KRT32: variants seen among roughly 807,000 people sequenced by gnomAD.
KRT32 encodes the protein keratin, type I cuticular Ha2.
KRT32 carries 44 observed loss-of-function variants against 41.8 expected under a neutral mutation model. The ratio of observed to expected loss-of-function variants is 1.05; its 90% CI spans 0.83 to 1.35. The LOEUF is 1.35. Among genes scored for constraint, KRT32 ranks in the 40% most tolerant of loss-of-function variants. The pLI, the probability that KRT32 is intolerant of heterozygous loss-of-function variation, is 0.00. For synonymous variants in KRT32, 238 were observed against 242.5 expected, an observed-to-expected ratio of 0.98 and a Z score of 0.17; for missense variants, 576 against 584.6, an observed-to-expected ratio of 0.99 and a Z score of 0.15.
intron 6 of KRT32, among the ~76,000 whole-genome samples, chr17:41,460,861 GTAAAA>G (rs1016305818): frequency 3.3e-5 from 5 of 152,232 alleles, no homozygotes; most frequent in African/African-American, 1.2e-4. Flanking sequence ...AGAAGTTAAA[GTAAAA>G]TAAAATAAAA....
rs2019080266 is a variant in KRT32 at position 41,467,222 on chromosome 17, A to T, written c.104T>A (p.Leu35Gln). ...CSSGVNCRPELCLGYVCQPMA... is the reference protein window; with the variant it reads ...CSSGVNCRPEQCLGYVCQPMA... ...GGGCTGGCAGACATAGCCCAGGCAC[A>T]GCTCAGGCCGGCAGTTCACGCCGCT... Residue 35 changes from leucine to glutamine, a missense_variant, in exon 1 of 7, where the codon CTG (leucine) becomes CAG (glutamine). By Grantham distance (113) the Leu-to-Gln change is moderately radical (BLOSUM62 -2). Coordinates refer to ENST00000225899, the MANE Select transcript of KRT32 (RefSeq NM_002278.3). 2.5e-6 allele frequency: 4 copies of T among 1,613,738 alleles called. No individual in the cohort carries two copies. The African/African-American group carries it at 5.3e-5, about 22-fold the overall frequency.
intron 5 of KRT32, among the ~76,000 whole-genome samples, chr17:41,463,783 A>G (rs2019033406): frequency 6.6e-6 from 1 of 152,150 alleles, no homozygotes; most frequent in Non-Finnish European, 1.5e-5. Flanking sequence ...GAACCTGGGC[A>G]TCAGGATGGG....
At chr17:41,461,479 T>A (rs2019001357) in intron 6 of KRT32, among the ~76,000 whole-genome samples, 1 of 152,240 alleles carries the variant, frequency 6.6e-6, no homozygotes, top group Non-Finnish European at 1.5e-5. Context: ...CAACCTGAAA[T>A]GTGTTCCATT....
At chr17:41,463,619 C>A (rs183861071) in intron 5 of KRT32, among the ~76,000 whole-genome samples, 1 of 152,014 alleles carries the variant, frequency 6.6e-6, no homozygotes, top group Non-Finnish European at 1.5e-5. Context: ...GCAGGAAAAT[C>A]ACTTGAACCC....
chr17:41,462,707 A>T, intron 6 of KRT32, 123 bp downstream of exon 6: 2 of 1,071,614 alleles, frequency 1.9e-6, no homozygotes, highest in Non-Finnish European at 2.7e-6. Context: ...CCAGCTTCTT[A>T]ATGGCTCCAT....
At chr17:41,464,480 T>C in intron 3 of KRT32, 37 bp from the exon 4 acceptor site, 1 of 1,514,658 alleles carries the variant, frequency 6.6e-7, no homozygotes, top group South Asian at 1.3e-5. Flanking sequence ...AATGTGACAA[T>C]GATAGGATCC....
chr17:41,467,249 G>A lies in KRT32; in HGVS notation c.77C>T (p.Ser26Phe), dbSNP rs1231598018. The A allele has an allele frequency of 8.7e-6, 14 of 1,613,676 alleles. No homozygotes were observed. The highest frequency in any genetic ancestry group is 1.3e-5 in the African/African-American group (1 of 74,950). The change falls in exon 1 of 7, where the codon TCC becomes TTC. Residue 26 changes from serine to phenylalanine, a missense_variant. By Grantham distance (155) the Ser-to-Phe change is radical. Coordinates refer to ENST00000225899, the MANE Select transcript of KRT32 (RefSeq NM_002278.3). ...KSCPRPASVC[S>F]SGVNCRPELC... is the part of the protein sequence containing the mutation. The stretch of plus-strand genomic sequence containing the variant: ...CTCAGGCCGGCAGTTCACGCCGCTG[G>A]AACAGACCGAGGCAGGCCGGGGGCA...
chr17:41,461,895 C>T (rs1307558651), intron 6 of KRT32, among the ~76,000 whole-genome samples: 1 of 152,362 alleles, frequency 6.6e-6, no homozygotes, highest in Admixed American at 6.5e-5. Flanking sequence ...GCCACCAAGT[C>T]CTGCTGATTC....
At chr17:41,464,225 G>A in intron 4 of KRT32, 22 bp from the exon 5 acceptor site, 2 of 1,593,582 alleles carry the variant, frequency 1.3e-6, no homozygotes, top group Non-Finnish European at 8.6e-7. Context: ...GGAAGGAGAA[G>A]GCTAGAGTCC....
rs143533795 is a variant in KRT32, at chr17:41,463,486, C to A, written c.997-436G>T. ...CTGGGAGGCCAAGGCAGGTGGATCA[C>A]CTGAGGTCAGGAGTTCGAGACCAGC... On this transcript the variant is annotated intron_variant, in intron 5 of 6. Transcript: ENST00000225899. 2.9e-3 allele frequency among the ~76,000 whole-genome samples: 444 copies of A among 152,330 alleles called. 2 individuals are homozygous for A. Among genetic ancestry groups the A allele is most frequent in the African/African-American group, 0.01 (424 of 41,578 alleles).
intron 1 of KRT32, among the ~76,000 whole-genome samples, 167 bp downstream of exon 1, chr17:41,466,691 C>T (rs1305571518): frequency 6.6e-6 from 1 of 152,228 alleles, no homozygotes; most frequent in East Asian, 1.9e-4. Context: ...CAGATCTCTC[C>T]ACATGAAAGC....
chr17:41,460,098 C>G lies in KRT32; in HGVS notation c.*12G>C. 6.3e-7 allele frequency: 1 copy of G among 1,593,884 alleles called. No homozygotes were observed. Among genetic ancestry groups the G allele is most frequent in the Non-Finnish European group, 8.5e-7 (1 of 1,170,218 alleles). ...CCCCAGGCCCTCCAGGATCCACTGG[C>G]ACAAAGGGACTTCAGTAGCGGCCCT... On this transcript the variant is annotated 3_prime_UTR_variant, in exon 7 of 7. Coordinates refer to ENST00000225899, the MANE Select transcript of KRT32 (RefSeq NM_002278.3).
chr17:41,465,833 C>A lies in KRT32; in HGVS notation c.648G>T (p.Leu216=). ...CCTTCAGGGACTCAACCTGGGCCTC[C>A]AGGTCAGCCTTGCACAGAGTGAGAT... The part of the protein sequence containing the change: ...LDDLTLCKAD[L]EAQVESLKEE... Residue 216 remains leucine (L), a synonymous_variant, in exon 3 of 7, where the codon CTG becomes CTT. Transcript: ENST00000225899. 1 of 1,613,838 alleles carries A rather than the reference C, an allele frequency of 6.2e-7. No individual in the cohort carries two copies. Among genetic ancestry groups the A allele is most frequent in the Non-Finnish European group, 8.5e-7 (1 of 1,179,832 alleles).
intron 5 of KRT32, among the ~76,000 whole-genome samples, chr17:41,463,344 G>A (rs1346369798): frequency 5.9e-5 from 9 of 152,282 alleles, no homozygotes; most frequent in African/African-American, 1.4e-4. Flanking sequence ...CCTCCCTGCC[G>A]GCATCATTTA....
chr17:41,463,394 A>T (rs2019027737), intron 5 of KRT32, among the ~76,000 whole-genome samples: 1 of 152,208 alleles, frequency 6.6e-6, no homozygotes, highest in Admixed American at 6.5e-5. Flanking sequence ...TTAGCGCCAC[A>T]TGGGAGCCCT....
In KRT32 at chr17:41,460,165, C is replaced by A. The variant is rs1453430914; in HGVS notation, c.1292G>T (p.Cys431Phe). ...VPSPCVPRTV[C>F]VPRTVGMPCS... The stretch of plus-strand genomic sequence containing the variant: ...AGGCATGCCAACAGTGCGTGGCACA[C>A]AGACGGTGCGGGGCACGCATGGGGA... The change falls in exon 7 of 7, where the codon TGT becomes TTT. Residue 431 changes from cysteine to phenylalanine, a missense_variant. Cys to Phe is a radical substitution (Grantham distance 205). Transcript: ENST00000225899. 3 of 1,613,570 alleles carry A rather than the reference C, an allele frequency of 1.9e-6. No individual in the cohort carries two copies. Among genetic ancestry groups the A allele is most frequent in the Non-Finnish European group, 2.5e-6 (3 of 1,179,796 alleles).
In KRT32 at chr17:41,466,095, T is replaced by G; in HGVS notation, c.550A>C (p.Lys184Gln). Residue 184 changes from lysine (K) to glutamine (Q), a missense_variant and splice_region_variant, in exon 2 of 7, where the codon AAG becomes CAG. Coordinates refer to ENST00000225899, the MANE Select transcript of KRT32 (RefSeq NM_002278.3). ...CTCCAGCCCCCCGACTGAACTCACT[T>G]GGCCCTGAAGTCATCGGCAGCCAGT... Reference protein sequence around the residue: ...AKLAADDFRAKYEAELAMRQL... With the variant: ...AKLAADDFRAQYEAELAMRQL... 3 of 1,614,124 alleles carry G rather than the reference T, an allele frequency of 1.9e-6. No homozygotes were observed. The highest frequency in any genetic ancestry group is 2.5e-6 in the Non-Finnish European group (3 of 1,179,986).
chr17:41,464,130 A>G lies in KRT32; in HGVS notation c.944T>C (p.Leu315Pro). 1 of 1,612,814 alleles carries G rather than the reference A, an allele frequency of 6.2e-7. No individual in the cohort carries two copies. ...LQNYQSDIID[L>P]RRTVNTLEIE... ...CTCCAGCGTGTTGACCGTGCGTCTC[A>G]GGTCAATGATGTCTGACTGGTAGTT... is the stretch of plus-strand genomic sequence containing the variant. The change falls in exon 5 of 7, where the codon CTG becomes CCG. Residue 315 changes from leucine to proline, a missense_variant. Transcript: ENST00000225899.
intron 3 of KRT32, 149 bp downstream of exon 3, chr17:41,465,624 A>G: frequency 1.5e-6 from 1 of 671,458 alleles, no homozygotes. Flanking sequence ...ACAGAAGAGG[A>G]GGCTCAGGAA....
Sources: allele counts gnomAD v4.1 joint callset (sites outside exome capture counted in the v4.1 genomes callset), GRCh38; gene constraint gnomAD v4.1.1; transcripts MANE v1.5; gene names NCBI Gene and HGNC (gene_info 2026-07-23, HGNC 2026-07-21).